Variants in BPI observed in about 807,000 individuals in gnomAD.
BPI encodes the protein bactericidal permeability increasing protein.
In BPI, 48 loss-of-function variants were observed where a neutral mutation model predicts 57.6. The ratio of observed to expected loss-of-function variants is 0.83; its 90% CI spans 0.66 to 1.06. The LOEUF (loss-of-function observed/expected upper bound fraction) is 1.06. Among genes scored for constraint, BPI ranks in the 50% least tolerant of loss-of-function variants. The pLI, the probability that BPI is intolerant of heterozygous loss-of-function variation, is 0.00. For missense variants in BPI, 651 were observed against 609.7 expected, an observed-to-expected ratio of 1.07 and a Z score of -0.71; for synonymous variants, 237 against 238.2, an observed-to-expected ratio of 0.99 and a Z score of 0.05.
chr20:38,336,546 C>T (rs536643526), intron 14 of BPI, among the ~76,000 whole-genome samples: 28 of 152,190 alleles, frequency 1.8e-4, no homozygotes, highest in African/African-American at 6.3e-4. Context: ...TTCCTGATAA[C>T]TTGTGGCCCT....
chr20:38,326,178 T>C, intron 9 of BPI, 87 bp from the exon 10 acceptor site: 2 of 1,358,726 alleles, frequency 1.5e-6, no homozygotes, highest in Non-Finnish European at 2.0e-6. Flanking sequence ...ATTGAAGGTA[T>C]TTAAGTAGGG....
intron 5 of BPI, among the ~76,000 whole-genome samples, chr20:38,316,813 C>T (rs150904323): frequency 1.3e-3 from 198 of 152,284 alleles, no homozygotes; most frequent in Middle Eastern, 3.4e-3. Flanking sequence ...CTTCTGAGCA[C>T]AGTCCAGAGA....
chr20:38,305,336 T>C (rs1012904163), intron 1 of BPI, among the ~76,000 whole-genome samples: 1 of 152,176 alleles, frequency 6.6e-6, no homozygotes, highest in Admixed American at 6.5e-5. Context: ...GTCTTTAAGT[T>C]CAGTGGTCTT....
intron 5 of BPI, among the ~76,000 whole-genome samples, chr20:38,316,549 T>G (rs1600703212): frequency 6.6e-6 from 1 of 152,010 alleles, no homozygotes; most frequent in African/African-American, 2.4e-5. Flanking sequence ...TGAGTCAGGG[T>G]TTGGGTGCAA....
chr20:38,314,496 G>A (rs1282072220), intron 5 of BPI, among the ~76,000 whole-genome samples: 28 of 143,610 alleles, frequency 1.9e-4, no homozygotes, highest in African/African-American at 6.8e-4. Context: ...GATGGTGATG[G>A]TGGGGATGAT....
At position 38,335,643 on chromosome 20, in the gene BPI, A is replaced by C; in HGVS notation, c.1382A>C (p.Gln461Pro). ...GFPLPTPARV[Q>P]LYNVVLQPHQ... ...CCTCTCCCGACGCCGGCCAGAGTCC[A>C]GCTCTACAACGTAGTGCTTCAGCCT... The change falls in exon 14 of 15, where the codon CAG becomes CCG. Residue 461 changes from glutamine to proline, a missense_variant. Transcript: ENST00000642449. The C allele has an allele frequency of 1.2e-6, 2 of 1,614,212 alleles. No homozygotes were observed. The highest frequency in any genetic ancestry group is 2.2e-5 in the South Asian group (2 of 91,086).
intron 4 of BPI, 86 bp downstream of exon 4, chr20:38,310,738 A>G: frequency 1.3e-6 from 2 of 1,517,790 alleles, no homozygotes; most frequent in Non-Finnish European, 1.8e-6. Flanking sequence ...ACACATCCAG[A>G]GTGCCACCTG....
intron 10 of BPI, 22 bp from the exon 11 acceptor site, chr20:38,327,546 GCCTGGGTCAGGGCACTTCAC>G: frequency 1.2e-6 from 2 of 1,609,180 alleles, no homozygotes; most frequent in Non-Finnish European, 1.7e-6. Context: ...GCAATCAGGT[GCCTGGGTCAGGGCACTTCAC>G]CCTGGGTTGT....
chr20:38,326,257 G>A lies in BPI; in HGVS notation c.994-8G>A. 2 of 1,610,242 alleles carry A rather than the reference G, an allele frequency of 1.2e-6. No homozygotes were observed. Among genetic ancestry groups the A allele is most frequent in the Non-Finnish European group, 1.7e-6 (2 of 1,177,628 alleles). On this transcript the variant is annotated splice_region_variant and splice_polypyrimidine_tract_variant and intron_variant, in intron 9 of 14. Coordinates refer to ENST00000642449, the MANE Select transcript of BPI (RefSeq NM_001725.3). ...CCTTTCGTTGATTGTCTCCACTGGG[G>A]GCTGCAGGTGGCCAAGAAGTTTCCC...
At chr20:38,312,005 C>T in intron 5 of BPI, 68 bp downstream of exon 5, 3 of 1,470,966 alleles carry the variant, frequency 2.0e-6, no homozygotes, top group African/African-American at 1.4e-5. Flanking sequence ...ACACCTCCCC[C>T]TTCTACGGAC....
chr20:38,336,620 A>G (rs2076768761), intron 14 of BPI, among the ~76,000 whole-genome samples: 1 of 152,066 alleles, frequency 6.6e-6, no homozygotes, highest in African/African-American at 2.4e-5. Flanking sequence ...CAGGCCATCA[A>G]TCCTCAATTC....
intron 5 of BPI, chr20:38,317,887 G>A (rs1179020334): frequency 2.0e-5 from 29 of 1,454,848 alleles, no homozygotes; most frequent in Non-Finnish European, 2.1e-5. Context: ...AGGGGACAGG[G>A]GGATTGGGGT....
rs146359097 is a variant in BPI at position 38,326,285 on chromosome 20, C to T, written c.1014C>T (p.Asn338=). The T allele has an allele frequency of 6.2e-7, 1 of 1,612,824 alleles. No individual in the cohort carries two copies. The highest frequency in any genetic ancestry group is 1.3e-5 in the African/African-American group (1 of 74,862). The change falls in exon 10 of 15, where the codon AAC becomes AAT. Residue 338 remains asparagine (N), a synonymous_variant. Coordinates refer to ENST00000642449, the MANE Select transcript of BPI (RefSeq NM_001725.3). ...FLPEVAKKFP[N]MKIQIHVSAS... ...TGCAGGTGGCCAAGAAGTTTCCCAA[C>T]ATGAAGATACAGATCCATGTCTCAG...
chr20:38,308,604 A>T (rs115954712), intron 2 of BPI, among the ~76,000 whole-genome samples: 1 of 152,154 alleles, frequency 6.6e-6, no homozygotes, highest in African/African-American at 2.4e-5. Context: ...ATCTTCATTG[A>T]TTGCCACACA....
chr20:38,314,184 A>ATGATGG (rs146873773), intron 5 of BPI, among the ~76,000 whole-genome samples: 29,402 of 93,018 alleles, frequency 0.32, 6,381 homozygotes, highest in East Asian at 0.64. Context: ...GATGATAATA[A>ATGATGG]TGATGGTGAT....
chr20:38,311,760 G>A (rs980976499), intron 4 of BPI, 114 bp from the exon 5 acceptor site: 4 of 963,254 alleles, frequency 4.2e-6, no homozygotes, highest in African/African-American at 1.6e-5. Context: ...AGAGGAGAGG[G>A]TGCCAAAACC....
intron 14 of BPI, among the ~76,000 whole-genome samples, chr20:38,336,898 C>T (rs1310287410): frequency 1.3e-5 from 2 of 152,152 alleles, no homozygotes; most frequent in Non-Finnish European, 2.9e-5. Flanking sequence ...GCCTCTAAAA[C>T]AGCCCGGGGG....
chr20:38,306,113 C>T (rs2076595454), intron 1 of BPI, among the ~76,000 whole-genome samples: 1 of 152,322 alleles, frequency 6.6e-6, no homozygotes, highest in South Asian at 2.1e-4. Context: ...CTCACTGCAA[C>T]CTCTGCCTCC....
In BPI at chr20:38,331,038, C is replaced by A. The variant is rs746831936; in HGVS notation, c.1230-10C>A. The A allele has an allele frequency of 1.2e-6, 2 of 1,614,066 alleles. No homozygotes were observed. The highest frequency in any genetic ancestry group is 4.5e-5 in the East Asian group (2 of 44,870). ...TTGGTGGTCTCAGTCCCCTCCTCCCCCTCTCACAGGCTGCTCCTGGAACTG... is the reference window on the plus strand; with the variant it reads ...TTGGTGGTCTCAGTCCCCTCCTCCCACTCTCACAGGCTGCTCCTGGAACTG... On this transcript the variant is annotated splice_polypyrimidine_tract_variant and intron_variant, in intron 11 of 14. Transcript: ENST00000642449.
Sources: allele counts gnomAD v4.1 joint callset (sites outside exome capture counted in the v4.1 genomes callset), GRCh38; gene constraint gnomAD v4.1.1; transcripts MANE v1.5; gene names NCBI Gene and HGNC (gene_info 2026-07-23, HGNC 2026-07-21).